RBFOX3: variants seen among roughly 807,000 people sequenced by gnomAD.
RBFOX3 encodes RNA binding fox-1 homolog 3, also known as RNA binding protein fox-1 homolog 3.
RBFOX3 carries 17 observed loss-of-function variants against 48.7 expected under a neutral mutation model. The ratio of observed to expected loss-of-function variants is 0.35; its 90% CI spans 0.24 to 0.52. The LOEUF (loss-of-function observed/expected upper bound fraction) is 0.52, where lower values mean the gene tolerates loss of function less well. Among genes scored for constraint, RBFOX3 ranks in the 20% least tolerant of loss-of-function variants. The pLI, the probability that RBFOX3 is intolerant of heterozygous loss-of-function variation, is 0.94. For missense variants in RBFOX3, 382 were observed against 497.5 expected, an observed-to-expected ratio of 0.77 and a Z score of 2.21; for synonymous variants, 212 against 209.5, an observed-to-expected ratio of 1.01 and a Z score of -0.10.
intron 1 of RBFOX3, among the ~76,000 whole-genome samples, chr17:79,484,261 C>T (rs1037311337): frequency 2.0e-5 from 3 of 151,360 alleles, no homozygotes; most frequent in African/African-American, 7.2e-5. Context: ...ACCCCCATAC[C>T]GAAGAACCGA....
Position 79,090,560 on chromosome 17 carries a change from C to G in RBFOX3, c.*323G>C. On this transcript the variant is annotated 3_prime_UTR_variant, in exon 15 of 15. Transcript: ENST00000693108. ...ACTGGATGGAAAACAGAGCCCCCCA[C>G]GGGTCCCACAAGGGAGGCCCCTTCC... The G allele has an allele frequency of 2.7e-6, 1 of 368,180 alleles. No individual in the cohort carries two copies. The highest frequency in any genetic ancestry group is 4.9e-6 in the Non-Finnish European group (1 of 204,274). The allele number at this position is 368,180 out of a possible 1,614,324, so 22.8% of individuals were successfully genotyped here. A position where few individuals can be genotyped will look rare whatever the true frequency, so the allele number is the denominator to read the frequency against.
intron 2 of RBFOX3, among the ~76,000 whole-genome samples, chr17:79,458,982 C>T (rs565394166): frequency 3.6e-4 from 55 of 152,328 alleles, no homozygotes; most frequent in African/African-American, 1.2e-3. Context: ...ATGTGAAGCG[C>T]GGCCGTGGGC....
At chr17:79,225,063 A>G (rs1436509235) in intron 4 of RBFOX3, among the ~76,000 whole-genome samples, 1 of 152,210 alleles carries the variant, frequency 6.6e-6, no homozygotes, top group African/African-American at 2.4e-5. Flanking sequence ...CCCAGGAGTC[A>G]GTGCCCTTTG....
At chr17:79,130,342 T>C (rs1013057961) in intron 4 of RBFOX3, among the ~76,000 whole-genome samples, 21 of 152,098 alleles carry the variant, frequency 1.4e-4, no homozygotes, top group African/African-American at 4.3e-4. Flanking sequence ...TCAGGGATCA[T>C]CCAGGCAGAG....
At chr17:79,217,150 A>T (rs2059162852) in intron 4 of RBFOX3, among the ~76,000 whole-genome samples, 1 of 151,996 alleles carries the variant, frequency 6.6e-6, no homozygotes, top group Admixed American at 6.5e-5. Flanking sequence ...CCTGCAACCC[A>T]CTCTTGCTTT....
upstream of RBFOX3, among the ~76,000 whole-genome samples, chr17:79,612,234 G>A (rs2093974709): frequency 6.6e-6 from 1 of 152,202 alleles, no homozygotes; most frequent in Admixed American, 6.5e-5. Flanking sequence ...CACCATCGAA[G>A]GACATTTCCA....
chr17:79,141,665 T>C (rs1400139873), intron 4 of RBFOX3, among the ~76,000 whole-genome samples: 1 of 152,096 alleles, frequency 6.6e-6, no homozygotes, highest in Non-Finnish European at 1.5e-5. Flanking sequence ...TCCTGAGAAG[T>C]TGGGGGTCCC....
chr17:79,408,548 C>CTGCT (rs2063856874), intron 2 of RBFOX3, among the ~76,000 whole-genome samples: 1 of 152,204 alleles, frequency 6.6e-6, no homozygotes, highest in Non-Finnish European at 1.5e-5. Flanking sequence ...GGTTCCCCAT[C>CTGCT]TGCTGCTCAG....
At chr17:79,158,637 G>A (rs2046325550) in intron 4 of RBFOX3, among the ~76,000 whole-genome samples, 3 of 152,230 alleles carry the variant, frequency 2.0e-5, no homozygotes, top group Admixed American at 1.3e-4. Flanking sequence ...AAGGACGCCC[G>A]ACCAAGGCTG....
chr17:79,580,882 CAG>C (rs1168572820), intron 1 of RBFOX3, among the ~76,000 whole-genome samples: 5 of 152,262 alleles, frequency 3.3e-5, no homozygotes, highest in African/African-American at 1.2e-4. Context: ...CTGGGCAGAG[CAG>C]AGACACCAAA....
the RBFOX3 span, among the ~76,000 whole-genome samples, chr17:79,647,005 A>G: frequency 6.6e-6 from 1 of 151,958 alleles, no homozygotes; most frequent in Non-Finnish European, 1.5e-5. Flanking sequence ...GACAGGGGAC[A>G]GGCCAACCCC....
At chr17:79,337,185 G>A (rs886322224) in intron 2 of RBFOX3, among the ~76,000 whole-genome samples, 4 of 150,014 alleles carry the variant, frequency 2.7e-5, no homozygotes, top group East Asian at 3.9e-4. Context: ...AAAGGACCAC[G>A]TCATCTTGGC....
At chr17:79,591,345 G>A (rs1009377552) in intron 1 of RBFOX3, among the ~76,000 whole-genome samples, 6 of 152,254 alleles carry the variant, frequency 3.9e-5, no homozygotes, top group East Asian at 3.9e-4. Flanking sequence ...TCACAGCCAC[G>A]CTGCCACTCT....
At chr17:79,545,631 A>G (rs2090321015) in intron 1 of RBFOX3, among the ~76,000 whole-genome samples, 1 of 152,206 alleles carries the variant, frequency 6.6e-6, no homozygotes, top group African/African-American at 2.4e-5. Flanking sequence ...CACTTCCAAG[A>G]AAACAAGAGG....
intron 2 of RBFOX3, among the ~76,000 whole-genome samples, chr17:79,453,393 C>T (rs537155937): frequency 2.6e-5 from 4 of 152,242 alleles, no homozygotes; most frequent in Non-Finnish European, 4.4e-5. Flanking sequence ...TTCCTCCTGG[C>T]GGCAGATGGG....
Position 79,535,910 on chromosome 17 carries a change from C to A in RBFOX3, c.-319-53312G>T, listed in dbSNP as rs1200183730. ...CCTGCACCTCCCCCAGCCACTGCAC[C>A]CCTGCCCGTGACCAGTAGCGGCAGG... On this transcript the variant is annotated intron_variant, in intron 1 of 14. Coordinates refer to ENST00000693108, the MANE Select transcript of RBFOX3 (RefSeq NM_001350451.2). The surrounding 1 kb of genome is among the most constrained non-coding windows in gnomAD (Gnocchi z 4.5). Among the ~76,000 whole-genome samples the A allele has an allele frequency of 6.6e-6, 1 of 152,168 alleles. No individual in the cohort carries two copies. The highest frequency in any genetic ancestry group is 6.5e-5 in the Admixed American group (1 of 15,282).
intron 3 of RBFOX3, among the ~76,000 whole-genome samples, chr17:79,253,099 C>T (rs1053480203): frequency 2.6e-4 from 39 of 152,276 alleles, no homozygotes; most frequent in Non-Finnish European, 4.3e-4. Flanking sequence ...TTTCAGGTCC[C>T]CCTTCTTCTT....
intron 3 of RBFOX3, among the ~76,000 whole-genome samples, chr17:79,247,310 A>ATTTTTTTTT (rs57539628): frequency 7.7e-5 from 9 of 116,570 alleles, no homozygotes; most frequent in South Asian, 3.1e-4. Flanking sequence ...ACATAATCGT[A>ATTTTTTTTT]TTTTTTTTTT....
chr17:79,384,759 G>T (rs1022813188), intron 2 of RBFOX3, among the ~76,000 whole-genome samples: 8 of 152,216 alleles, frequency 5.3e-5, no homozygotes, highest in Admixed American at 5.2e-4. Context: ...CTGCCGTGGA[G>T]GAGGAGCTGC....
Sources: gnomAD v4.1 joint callset for allele counts (sites outside exome capture counted in the v4.1 genomes callset) on GRCh38, gnomAD v4.1.1 for gene constraint, Gnocchi (gnomAD v3.1) non-coding constraint, MANE v1.5 for transcripts, NCBI Gene and HGNC (gene_info 2026-07-23, HGNC 2026-07-21) for gene names.